Variants in AK4 observed in about 807,000 individuals in gnomAD.
AK4 encodes the protein adenylate kinase 4, mitochondrial.
A neutral mutation model predicts 24.6 loss-of-function variants in AK4; 13 were observed. That is an observed-to-expected ratio of 0.53 (90% CI 0.34 to 0.84). The LOEUF (loss-of-function observed/expected upper bound fraction) is 0.84. Among genes scored for constraint, AK4 ranks in the 40% least tolerant of loss-of-function variants. The pLI is 0.01. For synonymous variants in AK4, 88 were observed against 107.0 expected, an observed-to-expected ratio of 0.82 and a Z score of 1.10; for missense variants, 192 against 288.2, an observed-to-expected ratio of 0.67 and a Z score of 2.42.
intron 4 of AK4, 108 bp downstream of exon 4, chr1:65,224,978 A>T (rs1652410994): frequency 1.3e-6 from 1 of 774,784 alleles, no homozygotes; most frequent in Admixed American, 2.6e-5. Context: ...AAGACAGATA[A>T]ACACTAGCGA....
intron 1 of AK4, among the ~76,000 whole-genome samples, chr1:65,186,205 G>A (rs553565253): frequency 2.6e-5 from 4 of 151,870 alleles, no homozygotes; most frequent in South Asian, 4.2e-4. Context: ...GTGCAATCTC[G>A]GCTCACTGCA....
At chr1:65,189,564 C>T (rs1295735196) in intron 1 of AK4, among the ~76,000 whole-genome samples, 1 of 152,100 alleles carries the variant, frequency 6.6e-6, no homozygotes, top group African/African-American at 2.4e-5. Flanking sequence ...AGGCATGAGC[C>T]ACTGCGCCCA....
chr1:65,176,518 C>T (rs1156729602), intron 1 of AK4, among the ~76,000 whole-genome samples: 1 of 152,128 alleles, frequency 6.6e-6, no homozygotes, highest in Non-Finnish European at 1.5e-5. Context: ...CAGTTGATTT[C>T]GCTGCCCGTG....
At chr1:65,150,659 A>G (rs528854961) in intron 1 of AK4, among the ~76,000 whole-genome samples, 1 of 152,186 alleles carries the variant, frequency 6.6e-6, no homozygotes, top group South Asian at 2.1e-4. Context: ...CTTTTAGCTG[A>G]TTTCCTGGTG....
chr1:65,217,643 C>T (rs1486533246), intron 2 of AK4, among the ~76,000 whole-genome samples: 5 of 152,104 alleles, frequency 3.3e-5, no homozygotes, highest in Non-Finnish European at 7.3e-5. Flanking sequence ...TTAAACAGGT[C>T]AATCTCTGAA....
At chr1:65,193,978 G>A (rs1193262212) in intron 2 of AK4, among the ~76,000 whole-genome samples, 1 of 152,108 alleles carries the variant, frequency 6.6e-6, no homozygotes, top group Non-Finnish European at 1.5e-5. Flanking sequence ...TATAATCCCA[G>A]CTACTTGGGA....
In AK4 at chr1:65,203,853, G is replaced by A. The variant is rs544213956; in HGVS notation, c.265+13024G>A. On this transcript the variant is annotated intron_variant, in intron 2 of 4. Coordinates refer to ENST00000327299, the MANE Select transcript of AK4 (RefSeq NM_013410.4). ...CCTCCATTAAACCTTGTGTAGTAATGTAAAACAAAACAATGTAAAACTCTT... is the reference window on the plus strand; with the variant it reads ...CCTCCATTAAACCTTGTGTAGTAATATAAAACAAAACAATGTAAAACTCTT... Among the ~76,000 whole-genome samples, 22 of 152,164 alleles carry A rather than the reference G, an allele frequency of 1.4e-4. No homozygotes were observed. The South Asian group carries it at 3.3e-3, about 23-fold the overall frequency.
chr1:65,165,462 CA>C (rs1237425962), intron 1 of AK4, among the ~76,000 whole-genome samples: 1 of 151,760 alleles, frequency 6.6e-6, no homozygotes, highest in Non-Finnish European at 1.5e-5. Context: ...GCAGGAGGAT[CA>C]CTTGAGCTCA....
intron 2 of AK4, among the ~76,000 whole-genome samples, chr1:65,196,375 T>C (rs1651471571): frequency 6.6e-6 from 1 of 152,122 alleles, no homozygotes; most frequent in South Asian, 2.1e-4. Flanking sequence ...GTGAGTGTTC[T>C]GTGGTTTGGT....
intron 2 of AK4, among the ~76,000 whole-genome samples, chr1:65,203,629 C>A (rs1001606189): frequency 6.6e-6 from 1 of 152,026 alleles, no homozygotes; most frequent in African/African-American, 2.4e-5. Flanking sequence ...TATGGTGAAA[C>A]CCCATCTCTA....
At chr1:65,208,074 T>G (rs2101067465) in intron 2 of AK4, among the ~76,000 whole-genome samples, 1 of 152,354 alleles carries the variant, frequency 6.6e-6, no homozygotes, top group East Asian at 1.9e-4. Flanking sequence ...ATAATAGTTT[T>G]GCTGATAGTC....
chr1:65,179,479 A>G (rs1650827623), intron 1 of AK4, among the ~76,000 whole-genome samples: 1 of 152,232 alleles, frequency 6.6e-6, no homozygotes, highest in Admixed American at 6.5e-5. Flanking sequence ...TATCTAAGAA[A>G]TAGGGAATAT....
Position 65,202,472 on chromosome 1 carries a change from CTG to C in AK4, c.265+11646_265+11647del, listed in dbSNP as rs371841133. 3.8e-4 allele frequency among the ~76,000 whole-genome samples: 58 copies of C among 152,250 alleles called. No homozygotes were observed. In the East Asian group the frequency reaches 8.3e-3, roughly 22 times the overall value. On this transcript the variant is annotated intron_variant, in intron 2 of 4. Transcript: ENST00000327299. ...ATTTAGATCTACATTTGACATTAAA[CTG>C]TGGTTTCTCTGTATTTGGGTGTGTC...
chr1:65,180,875 G>A (rs1251935556), intron 1 of AK4, among the ~76,000 whole-genome samples: 4 of 152,176 alleles, frequency 2.6e-5, no homozygotes, highest in African/African-American at 7.2e-5. Context: ...TGATACCAGG[G>A]TGAGCAAGGC....
chr1:65,226,878 CCCTCTCAGATT>C lies in AK4; in HGVS notation c.*703_*713del, dbSNP rs1652480831. The C allele has an allele frequency of 6.9e-6, 1 of 144,298 alleles. No homozygotes were observed. Among genetic ancestry groups the C allele is most frequent in the Non-Finnish European group, 1.5e-5 (1 of 66,858 alleles). The allele number at this position is 144,298 out of a possible 1,614,324, so 8.9% of individuals were successfully genotyped here. ...TTTAAACAATAGTTATTGCTTTTAT[CCCTCTCAGATT>C]CTAATAACTGAGAGCGATGGGGCTA... On this transcript the variant is annotated 3_prime_UTR_variant, in exon 5 of 5. Transcript: ENST00000327299.
At chr1:65,164,879 G>A (rs1650280377) in intron 1 of AK4, among the ~76,000 whole-genome samples, 1 of 152,166 alleles carries the variant, frequency 6.6e-6, no homozygotes, top group African/African-American at 2.4e-5. Flanking sequence ...ATTTTGAATA[G>A]ATCACTCAGG....
At chr1:65,205,698 A>C (rs529889709) in intron 2 of AK4, among the ~76,000 whole-genome samples, 2 of 152,108 alleles carry the variant, frequency 1.3e-5, no homozygotes, top group Non-Finnish European at 2.9e-5. Flanking sequence ...CTTTCCTTTC[A>C]GGGAAGTTTT....
intron 2 of AK4, among the ~76,000 whole-genome samples, chr1:65,195,042 A>G (rs1651424483): frequency 1.3e-5 from 2 of 152,210 alleles, no homozygotes; most frequent in Non-Finnish European, 2.9e-5. Context: ...GTAATTTATA[A>G]AGAAAATAAA....
chr1:65,170,260 C>T (rs953261474), intron 1 of AK4, among the ~76,000 whole-genome samples: 4 of 152,076 alleles, frequency 2.6e-5, no homozygotes, highest in Admixed American at 6.5e-5. Context: ...CCCAGCTACT[C>T]GGGAGGCTGA....
Sources: gnomAD v4.1 joint callset for allele counts (sites outside exome capture counted in the v4.1 genomes callset) on GRCh38, gnomAD v4.1.1 for gene constraint, MANE v1.5 for transcripts, NCBI Gene and HGNC (gene_info 2026-07-23, HGNC 2026-07-21) for gene names.